FYCO1: variants seen among roughly 807,000 people sequenced by gnomAD.
FYCO1 encodes the protein FYVE and coiled-coil domain autophagy adaptor 1, also known as FYVE and coiled-coil domain-containing protein 1.
Under a neutral mutation model 165.1 loss-of-function variants are expected in FYCO1, and 122 were observed. The observed-to-expected ratio is 0.74, with a 90% CI of 0.64 to 0.86. The LOEUF (loss-of-function observed/expected upper bound fraction) is 0.86. FYCO1 is among the 40% of genes least tolerant of loss of function. The probability of loss-of-function intolerance (pLI) is 0.00; values close to 1 mark genes in which losing one functional copy is unlikely to be tolerated. For synonymous variants in FYCO1, 648 were observed against 742.5 expected, an observed-to-expected ratio of 0.87 and a Z score of 2.07; for missense variants, 1,702 against 1,810.3, an observed-to-expected ratio of 0.94 and a Z score of 1.09.
At chr3:45,975,040 T>TA (rs1367510625) in intron 5 of FYCO1, among the ~76,000 whole-genome samples, 199 bp downstream of exon 5, 2 of 152,016 alleles carry the variant, frequency 1.3e-5, no homozygotes, top group Non-Finnish European at 2.9e-5. Flanking sequence ...CACTTACCTA[T>TA]AAAAACACAG....
Position 45,958,557 on chromosome 3 carries a change from C to T in FYCO1, c.3650G>A (p.Gly1217Asp), listed in dbSNP as rs761192985. 2 of 1,614,102 alleles carry T rather than the reference C, an allele frequency of 1.2e-6. No homozygotes were observed. The highest frequency in any genetic ancestry group is 1.7e-6 in the Non-Finnish European group (2 of 1,180,044). Residue 1217 changes from glycine to aspartate, a missense_variant, in exon 13 of 18, where the codon GGC becomes GAC. Gly to Asp is a moderately conservative substitution (Grantham distance 94). Coordinates refer to ENST00000296137, the MANE Select transcript of FYCO1 (RefSeq NM_024513.4). ...GGCTCGGCAGCAGCGCTCCTTTTTG[C>T]CACCGTGCTTGCTCAGGACGTAGTT... ...CNNYVLSKHG[G>D]KKERCCRACF...
At chr3:45,954,975 G>A (rs1705227612) in intron 14 of FYCO1, among the ~76,000 whole-genome samples, 1 of 152,156 alleles carries the variant, frequency 6.6e-6, no homozygotes, top group African/African-American at 2.4e-5. Context: ...TAGCACCCAA[G>A]CAAACTAATA....
At chr3:45,968,997 A>T (rs1706271541) in intron 7 of FYCO1, among the ~76,000 whole-genome samples, 2 of 152,212 alleles carry the variant, frequency 1.3e-5, no homozygotes, top group Admixed American at 6.5e-5. Flanking sequence ...TGTCTCTGAG[A>T]TAAATTCAGT....
chr3:45,989,537 C>A (rs12635657), intron 1 of FYCO1, among the ~76,000 whole-genome samples: 13 of 152,000 alleles, frequency 8.6e-5, no homozygotes, highest in Non-Finnish European at 1.3e-4. Context: ...TTTCAGCACA[C>A]GTGAACAAAG....
intron 16 of FYCO1, among the ~76,000 whole-genome samples, chr3:45,925,233 A>AT (rs373178527): frequency 0.083 from 11,995 of 144,282 alleles, 1,235 homozygotes; most frequent in African/African-American, 0.25. Flanking sequence ...CAGCCCTTAC[A>AT]TTTTTTTTTT....
chr3:45,949,608 C>T (rs1374371841), intron 14 of FYCO1, among the ~76,000 whole-genome samples: 2 of 152,192 alleles, frequency 1.3e-5, no homozygotes, highest in African/African-American at 4.8e-5. Flanking sequence ...ACCACCTACA[C>T]CACTGGCTCA....
chr3:45,992,128 C>G (rs369705872), intron 1 of FYCO1, among the ~76,000 whole-genome samples: 12 of 152,184 alleles, frequency 7.9e-5, no homozygotes, highest in East Asian at 7.7e-4. Context: ...TTAAGCCACT[C>G]AGTTTGTGGT....
chr3:45,946,670 G>A (rs776341232), intron 14 of FYCO1: 13 of 1,614,120 alleles, frequency 8.1e-6, no homozygotes, highest in Non-Finnish European at 1.0e-5. Flanking sequence ...ATAAGTTGCA[G>A]AGCCTGACGG....
chr3:45,938,619 G>C (rs755525555), intron 14 of FYCO1, among the ~76,000 whole-genome samples: 15 of 152,210 alleles, frequency 9.9e-5, no homozygotes, highest in Non-Finnish European at 1.3e-4. Flanking sequence ...TCAGCCTCCC[G>C]AATAGCTGGG....
At chr3:45,955,653 C>T (rs1170918777) in intron 13 of FYCO1, among the ~76,000 whole-genome samples, 1 of 152,124 alleles carries the variant, frequency 6.6e-6, no homozygotes, top group Non-Finnish European at 1.5e-5. Context: ...AAGTCAGGGG[C>T]TTAGAGAGGT....
intron 16 of FYCO1, among the ~76,000 whole-genome samples, chr3:45,924,929 TA>T (rs113883432): frequency 1.3e-4 from 11 of 87,718 alleles, no homozygotes; most frequent in Middle Eastern, 5.2e-3. Flanking sequence ...AACCAACATT[TA>T]AAAAAAATTT....
intron 15 of FYCO1, 49 bp downstream of exon 15, chr3:45,936,399 C>G: frequency 7.7e-7 from 1 of 1,306,282 alleles, no homozygotes; most frequent in East Asian, 2.3e-5. Context: ...GGCCAGTGCT[C>G]CTCCCAATGC....
At chr3:45,957,378 C>T (rs1031434436) in intron 13 of FYCO1, among the ~76,000 whole-genome samples, 5 of 152,298 alleles carry the variant, frequency 3.3e-5, no homozygotes, top group South Asian at 2.1e-4. Context: ...AACATTTATG[C>T]ATAACAGAAA....
intron 1 of FYCO1, 57 bp downstream of exon 1, chr3:45,995,665 G>A (rs1193673894): frequency 6.5e-6 from 1 of 152,772 alleles, no homozygotes; most frequent in African/African-American, 2.4e-5. Flanking sequence ...TCTCGCCTCA[G>A]GGATCGTGAG....
chr3:45,936,312 GAAA>G (rs752233903), intron 15 of FYCO1, 133 bp downstream of exon 15: 1 of 682,568 alleles, frequency 1.5e-6, no homozygotes, highest in Non-Finnish European at 2.7e-6. Flanking sequence ...AGCTATGCCT[GAAA>G]AAAAAGAATA....
At chr3:45,989,395 G>A (rs1575391868) in intron 1 of FYCO1, among the ~76,000 whole-genome samples, 1 of 152,292 alleles carries the variant, frequency 6.6e-6, no homozygotes, top group Middle Eastern at 3.4e-3. Flanking sequence ...CTGCAGCTTC[G>A]AAGGCCTGGA....
intron 16 of FYCO1, among the ~76,000 whole-genome samples, chr3:45,926,955 A>G (rs916697339): frequency 9.2e-6 from 1 of 109,146 alleles, no homozygotes; most frequent in African/African-American, 3.6e-5. Context: ...CAAGAGTGAA[A>G]CTGTCTCAAA....
At chr3:45,944,774 G>T (rs1704473926) in intron 14 of FYCO1, among the ~76,000 whole-genome samples, 1 of 152,092 alleles carries the variant, frequency 6.6e-6, no homozygotes, top group Non-Finnish European at 1.5e-5. Flanking sequence ...GGAACAGGAA[G>T]ATACCAAAAA....
chr3:45,984,801 G>A, intron 2 of FYCO1, 55 bp downstream of exon 2: 1 of 1,576,340 alleles, frequency 6.3e-7, no homozygotes, highest in South Asian at 1.1e-5. Context: ...ACAGCAAAAA[G>A]CCCTGCCACA....
Sources: allele counts gnomAD v4.1 joint callset (sites outside exome capture counted in the v4.1 genomes callset), GRCh38; gene constraint gnomAD v4.1.1; transcripts MANE v1.5; gene names NCBI Gene and HGNC (gene_info 2026-07-23, HGNC 2026-07-21).